Variants in ITGB4 observed in about 807,000 individuals in gnomAD.
The protein encoded by ITGB4 is integrin subunit beta 4, also known as integrin beta-4.
Under a neutral mutation model 207.6 loss-of-function variants are expected in ITGB4, and 159 were observed. That is an observed-to-expected ratio of 0.77 (90% CI 0.67 to 0.87). The LOEUF is 0.87. Among genes scored for constraint, ITGB4 ranks in the 40% least tolerant of loss-of-function variants. The pLI is 0.00. For missense variants in ITGB4, 2,278 were observed against 2,546.8 expected (o/e 0.89, Z 2.27); for synonymous variants, 1,020 against 1,062.7 (o/e 0.96, Z 0.78).
rs950000790 is a variant in ITGB4, at chr17:75,722,931, G to A, written c.-11+1319G>A. Among the ~76,000 whole-genome samples the A allele has an allele frequency of 2.0e-5, 3 of 152,158 alleles. No individual in the cohort carries two copies. The highest frequency in any genetic ancestry group is 4.4e-5 in the Non-Finnish European group (3 of 68,016). ...CGCCTGGAGAGTAGGTGTCCTGAGC[G>A]CTGGGCCCAGCCCATCGTGATACAT... On this transcript the variant is annotated intron_variant, in intron 1 of 39. Transcript: ENST00000200181. The surrounding 1 kb of genome is among the most constrained non-coding windows in gnomAD (Gnocchi z 6.2).
chr17:75,731,035 A>AAGTGGGCAG lies in ITGB4; in HGVS notation c.1092+71_1092+72insAGTGGGCAG. On this transcript the variant is annotated intron_variant, in intron 9 of 39. Coordinates refer to ENST00000200181, the MANE Select transcript of ITGB4 (RefSeq NM_000213.5). This position sits in a 1 kb window ranked among gnomAD's most constrained non-coding sequence, Gnocchi z 6.8. ...GCAGGAAGTGGGCAGGGTGGGCAAG[A>AAGTGGGCAG]GGTGTCTTGGATCACGGTGGAGAAA... The AAGTGGGCAG allele has an allele frequency of 6.8e-7, 1 of 1,476,758 alleles. No individual in the cohort carries two copies. Among genetic ancestry groups the AAGTGGGCAG allele is most frequent in the Non-Finnish European group, 9.5e-7 (1 of 1,057,930 alleles). 91.5% of individuals were successfully genotyped at this position (1,476,758 alleles called of 1,614,324 possible). A position where few individuals can be genotyped will look rare whatever the true frequency, so the allele number is the denominator to read the frequency against.
Position 75,757,022 on chromosome 17 carries a change from C to T in ITGB4, c.5133C>T (p.Pro1711=). The part of the protein sequence containing the change: ...LTVPGLSENV[P]YKFKVQARTT... ...TGCCGGGCCTCAGCGAGAACGTGCC[C>T]TACAAGTTCAAGGTGCAGGCCAGGA... is the stretch of plus-strand genomic sequence containing the variant. Residue 1711 remains proline (P), a synonymous_variant, in exon 38 of 40, where the codon CCC becomes CCT. Transcript: ENST00000200181. 5 of 1,612,950 alleles carry T rather than the reference C, an allele frequency of 3.1e-6. No homozygotes were observed. Among genetic ancestry groups the T allele is most frequent in the Non-Finnish European group, 3.4e-6 (4 of 1,179,958 alleles).
chr17:75,726,073 G>A (rs1415106166), intron 2 of ITGB4, among the ~76,000 whole-genome samples: 1 of 152,228 alleles, frequency 6.6e-6, no homozygotes, highest in Non-Finnish European at 1.5e-5. Flanking sequence ...CTGTCCTTCT[G>A]GCTTGAGTGG....
chr17:75,730,548 G>T, intron 8 of ITGB4, 44 bp downstream of exon 8: 1 of 1,608,912 alleles, frequency 6.2e-7, no homozygotes, highest in South Asian at 1.1e-5. Context: ...TCAAGGTAGG[G>T]GGTCCATGGA....
rs756014790 is a variant in ITGB4, at chr17:75,732,147, G to A, written c.1378-16G>A. 1.9e-6 allele frequency: 3 copies of A among 1,614,010 alleles called. No homozygotes were observed. The South Asian group carries it at 3.3e-5, about 18-fold the overall frequency. ...TGCTCCCCCGACGCACCCCACCATG[G>A]TCTCTCTCATTCCAGCAAAAAGAGG... On this transcript the variant is annotated splice_polypyrimidine_tract_variant and intron_variant, in intron 11 of 39. Coordinates refer to ENST00000200181, the MANE Select transcript of ITGB4 (RefSeq NM_000213.5). The surrounding 1 kb of genome is among the most constrained non-coding windows in gnomAD (Gnocchi z 5.3).
chr17:75,724,857 C>G, intron 2 of ITGB4, 75 bp downstream of exon 2: 1 of 1,199,646 alleles, frequency 8.3e-7, no homozygotes. Flanking sequence ...GCACGGGGAT[C>G]TCACGGTGTC....
At chr17:75,753,507 G>A (rs1471612453) in intron 32 of ITGB4, among the ~76,000 whole-genome samples, 1 of 152,188 alleles carries the variant, frequency 6.6e-6, no homozygotes, top group Non-Finnish European at 1.5e-5. Context: ...GGTTTCTGGC[G>A]GGTCCGGGGG....
chr17:75,756,961 G>A lies in ITGB4; in HGVS notation c.5072G>A (p.Arg1691Gln), dbSNP rs376139144. ...TGCTCAGGGCCAGCCACCGCATTCCGGGTGGATGGAGACAGCCCCGAGAGC... is the reference window on the plus strand; with the variant it reads ...TGCTCAGGGCCAGCCACCGCATTCCAGGTGGATGGAGACAGCCCCGAGAGC... ...AQGGGPATAF[R>Q]VDGDSPESRL... is the part of the protein sequence containing the mutation. Residue 1691 changes from arginine (R) to glutamine (Q), a missense_variant, in exon 38 of 40, where the codon CGG (arginine) becomes CAG (glutamine). Physicochemically the swap from Arg to Gln is conservative, Grantham distance 43. Coordinates refer to ENST00000200181, the MANE Select transcript of ITGB4 (RefSeq NM_000213.5). The A allele has an allele frequency of 4.3e-5, 69 of 1,612,536 alleles. No homozygotes were observed. The highest frequency in any genetic ancestry group is 1.8e-4 in the East Asian group (8 of 44,886).
rs2060758615 is a variant in ITGB4 at position 75,727,943 on chromosome 17, C to T, written c.469+88C>T. On this transcript the variant is annotated intron_variant, in intron 5 of 39. Coordinates refer to ENST00000200181, the MANE Select transcript of ITGB4 (RefSeq NM_000213.5). This position sits in a 1 kb window ranked among gnomAD's most constrained non-coding sequence, Gnocchi z 6.0. ...GAGGCCAGGACTCAGGACAGCTGCA[C>T]CCACCCAGAAGGAAACACTGGACAT... 1.6e-6 allele frequency: 2 copies of T among 1,219,314 alleles called. No individual in the cohort carries two copies. The highest frequency in any genetic ancestry group is 2.6e-4 in the Middle Eastern group (1 of 3,870). 75.5% of individuals were successfully genotyped at this position (1,219,314 alleles called of 1,614,324 possible).
intron 8 of ITGB4, 118 bp downstream of exon 8, chr17:75,730,622 CTCTT>C: frequency 8.7e-7 from 1 of 1,148,852 alleles, no homozygotes; most frequent in South Asian, 1.5e-5. Context: ...TCCTCCCTCC[CTCTT>C]TTCCTCCCTT....
At chr17:75,752,090 G>A (rs2061379058) in intron 30 of ITGB4, 84 bp from the exon 31 acceptor site, 2 of 1,435,122 alleles carry the variant, frequency 1.4e-6, no homozygotes, top group Non-Finnish European at 2.0e-6. Flanking sequence ...TCCAGGGGAT[G>A]CACGGCCGTC....
chr17:75,728,835 T>A (rs1337740365), intron 6 of ITGB4, among the ~76,000 whole-genome samples: 1 of 151,846 alleles, frequency 6.6e-6, no homozygotes, highest in East Asian at 1.9e-4. Context: ...ATACAAAAGA[T>A]TAGCCAGGCG....
intron 16 of ITGB4, 138 bp downstream of exon 16, chr17:75,736,832 G>T: frequency 1.0e-6 from 1 of 976,696 alleles, no homozygotes; most frequent in South Asian, 1.5e-5. Context: ...TCCAGAGCTG[G>T]GAGGGACCAC....
chr17:75,737,191 T>C, intron 16 of ITGB4, 131 bp from the exon 17 acceptor site: 1 of 1,190,272 alleles, frequency 8.4e-7, no homozygotes, highest in Admixed American at 2.1e-5. Flanking sequence ...TTGCAAGGAC[T>C]TCCACTCTTC....
chr17:75,754,502 G>A, intron 33 of ITGB4, 74 bp from the exon 34 acceptor site: 5 of 1,596,988 alleles, frequency 3.1e-6, no homozygotes, highest in Non-Finnish European at 4.3e-6. Context: ...CCAGGAATGT[G>A]CAGGGCCCAG....
rs760958515 is a variant in ITGB4 at position 75,755,711 on chromosome 17, G to A, written c.4569G>A (p.Leu1523=). 2 of 1,612,792 alleles carry A rather than the reference G, an allele frequency of 1.2e-6. No individual in the cohort carries two copies. Among genetic ancestry groups the A allele is most frequent in the African/African-American group, 2.7e-5 (2 of 74,906 alleles). Reference sequence around the variant, plus strand: ...GCCTCCTGTCCCCAGACTCTCGCCTGACTGCTGGTGTGCCCGACACGCCCA... The same window carrying A: ...GCCTCCTGTCCCCAGACTCTCGCCTAACTGCTGGTGTGCCCGACACGCCCA... The part of the protein sequence containing the change: ...LTSVSSHDSR[L]TAGVPDTPTR... Residue 1523 remains leucine (L), a synonymous_variant, in exon 35 of 40, where the codon CTG becomes CTA. Coordinates refer to ENST00000200181, the MANE Select transcript of ITGB4 (RefSeq NM_000213.5).
intron 7 of ITGB4, 90 bp from the exon 8 acceptor site, chr17:75,730,151 T>C (rs541620849): frequency 6.4e-7 from 1 of 1,565,448 alleles, no homozygotes; most frequent in East Asian, 2.3e-5. Context: ...AGCCCCATGT[T>C]GGGACCCGCG....
rs775381720 is a variant in ITGB4, at chr17:75,754,663, A to G, written c.4406A>G (p.Tyr1469Cys). ...HRMTTTSAAA[Y>C]GTHLSPHVPH... The stretch of plus-strand genomic sequence containing the variant: ...ATGACCACGACCAGTGCTGCTGCCT[A>G]TGGCACCCACCTGAGCCCACACGTG... Residue 1469 changes from tyrosine (Y) to cysteine (C), a missense_variant, in exon 34 of 40, where the codon TAT (tyrosine) becomes TGT (cysteine). Tyr to Cys is a radical substitution (Grantham distance 194, BLOSUM62 -2). Coordinates refer to ENST00000200181, the MANE Select transcript of ITGB4 (RefSeq NM_000213.5). The G allele has an allele frequency of 1.9e-6, 3 of 1,613,866 alleles. No homozygotes were observed. The highest frequency in any genetic ancestry group is 2.5e-6 in the Non-Finnish European group (3 of 1,179,972).
chr17:75,740,652 G>A lies in ITGB4; in HGVS notation c.2551-141G>A. The A allele has an allele frequency of 3.7e-6, 4 of 1,068,606 alleles. No individual in the cohort carries two copies. 66.2% of individuals were successfully genotyped at this position (1,068,606 alleles called of 1,614,324 possible). On this transcript the variant is annotated intron_variant, in intron 21 of 39. Transcript: ENST00000200181. The surrounding 1 kb of genome is among the most constrained non-coding windows in gnomAD (Gnocchi z 5.9). Reference sequence around the variant, plus strand: ...GGCAGAAGGCCAGAGCCTGGGCCCAGGATGCTGCCCCACGGGGCATGCCCC... The same window carrying A: ...GGCAGAAGGCCAGAGCCTGGGCCCAAGATGCTGCCCCACGGGGCATGCCCC...
Sources: allele counts gnomAD v4.1 joint callset (sites outside exome capture counted in the v4.1 genomes callset), GRCh38; gene constraint gnomAD v4.1.1; non-coding constraint Gnocchi (gnomAD v3.1); transcripts MANE v1.5; gene names NCBI Gene and HGNC (gene_info 2026-07-23, HGNC 2026-07-21).